The following MAP4 variants were observed in gnomAD, a reference collection of about 807,000 sequenced individuals.
MAP4 encodes microtubule-associated protein 4.
In MAP4, 76 loss-of-function variants were observed where a neutral mutation model predicts 170.2. The ratio of observed to expected loss-of-function variants is 0.45; its 90% CI spans 0.37 to 0.54. The LOEUF is 0.54. Among genes scored for constraint, MAP4 ranks in the 20% least tolerant of loss-of-function variants. The pLI is 0.00. For synonymous variants in MAP4, 909 were observed against 994.5 expected (o/e 0.91, Z 1.62); for missense variants, 2,506 against 2,748.0 (o/e 0.91, Z 1.97).
intron 3 of MAP4, among the ~76,000 whole-genome samples, chr3:47,933,610 T>C (rs1434691509): frequency 6.7e-6 from 1 of 150,332 alleles, no homozygotes; most frequent in Non-Finnish European, 1.5e-5. Context: ...GCTTTTTTTT[T>C]TTTTTTTTGA....
intron 1 of MAP4, among the ~76,000 whole-genome samples, chr3:48,035,497 G>A (rs2100118377): frequency 6.6e-6 from 1 of 152,004 alleles, no homozygotes; most frequent in Non-Finnish European, 1.5e-5. Context: ...AGCCAGGCAT[G>A]GTGGTATGTG....
chr3:47,961,026 TTATCATTAAGGACAA>T (rs2100071264), intron 3 of MAP4: 3 of 155,476 alleles, frequency 1.9e-5, no homozygotes, highest in Admixed American at 1.3e-4. Flanking sequence ...CTTTGTTTCC[TTATCATTAAGGACAA>T]TATCAATCTC....
At position 48,045,656 on chromosome 3, in the gene MAP4, T is replaced by G. The variant is rs952755666; in HGVS notation, c.-20+43117A>C. On this transcript the variant is annotated intron_variant, in intron 1 of 18. Coordinates refer to the MAP4 transcript ENST00000360240. ...AACATAGAAATATTGAAAATTATAATGTTTAAGTTCTTTGAAAAAATTTAT... is the reference window on the plus strand; with the variant it reads ...AACATAGAAATATTGAAAATTATAAGGTTTAAGTTCTTTGAAAAAATTTAT... Among the ~76,000 whole-genome samples, 4 of 152,202 alleles carry G rather than the reference T, an allele frequency of 2.6e-5. No homozygotes were observed. The South Asian group carries it at 8.3e-4, about 32-fold the overall frequency.
intron 3 of MAP4, among the ~76,000 whole-genome samples, chr3:47,939,018 G>C (rs1198954065): frequency 1.3e-5 from 2 of 152,220 alleles, no homozygotes; most frequent in African/African-American, 4.8e-5. Flanking sequence ...AAGTCATGCA[G>C]TAAGTATGCT....
At chr3:47,973,259 A>T in intron 3 of MAP4, 1 of 980,892 alleles carries the variant, frequency 1.0e-6, no homozygotes, top group Non-Finnish European at 1.2e-6. Flanking sequence ...TTGGGCCAAA[A>T]AAGGAAAAAA....
intron 10 of MAP4, among the ~76,000 whole-genome samples, chr3:47,898,500 CAA>C (rs879856052): frequency 3.1e-4 from 25 of 81,102 alleles, no homozygotes; most frequent in Admixed American, 4.1e-4. Flanking sequence ...GACTCCGCCT[CAA>C]AAAAAAAAAA....
chr3:47,887,216 G>A (rs902495246), intron 10 of MAP4, among the ~76,000 whole-genome samples: 1 of 152,232 alleles, frequency 6.6e-6, no homozygotes, highest in African/African-American at 2.4e-5. Flanking sequence ...GGAGAGGCGC[G>A]AGCAGGAACC....
At chr3:47,853,108 T>A in intron 20 of MAP4, 55 bp downstream of exon 20, 1 of 1,613,486 alleles carries the variant, frequency 6.2e-7, no homozygotes, top group South Asian at 1.1e-5. Context: ...GAGTTTCAAT[T>A]TGCGGCCAGT....
chr3:47,977,952 AT>A lies in MAP4; in HGVS notation c.224-20del. On this transcript the variant is annotated intron_variant, in intron 2 of 20. Coordinates refer to ENST00000683076, the MANE Select transcript of MAP4 (RefSeq NM_001385682.1). ...GGAGTATCTGCAACAATGACAAATA[AT>A]TACCCATTGTGACAGACAGAAAAAT... is the stretch of plus-strand genomic sequence containing the variant. 2 of 1,556,652 alleles carry A rather than the reference AT, an allele frequency of 1.3e-6. No homozygotes were observed. The highest frequency in any genetic ancestry group is 1.8e-6 in the Non-Finnish European group (2 of 1,128,156).
chr3:48,023,122 G>C (rs544757034), intron 1 of MAP4, among the ~76,000 whole-genome samples: 2 of 152,040 alleles, frequency 1.3e-5, no homozygotes, highest in Non-Finnish European at 2.9e-5. Flanking sequence ...AATTTAAAAA[G>C]ACCAATGACT....
intron 1 of MAP4, among the ~76,000 whole-genome samples, chr3:48,062,494 T>TAA (rs1156947592): frequency 0.03 from 2,446 of 81,514 alleles, 196 homozygotes; most frequent in Admixed American, 0.1. Flanking sequence ...GAATGATCAA[T>TAA]AAAAAAAAAA....
intron 17 of MAP4, among the ~76,000 whole-genome samples, chr3:47,858,621 TGTGTG>T (rs1388903348): frequency 2.0e-5 from 1 of 49,248 alleles, no homozygotes; most frequent in Non-Finnish European, 3.9e-5. Flanking sequence ...GTGTGCGCGT[TGTGTG>T]TGTGTGTGTG....
chr3:47,872,985 C>T (rs1188948740), intron 12 of MAP4, among the ~76,000 whole-genome samples: 1 of 152,172 alleles, frequency 6.6e-6, no homozygotes, highest in African/African-American at 2.4e-5. Context: ...GGGACAGAAG[C>T]GTGAGCTGTA....
chr3:48,056,212 T>TGGG (rs1161285484), intron 1 of MAP4, among the ~76,000 whole-genome samples: 2 of 72,834 alleles, frequency 2.7e-5, no homozygotes, highest in African/African-American at 4.7e-5. Context: ...GGGAGGGAGG[T>TGGG]GGGGGGGTCA....
chr3:47,935,205 G>A (rs1471514962), intron 3 of MAP4, among the ~76,000 whole-genome samples: 5 of 152,276 alleles, frequency 3.3e-5, no homozygotes, highest in Admixed American at 1.3e-4. Flanking sequence ...TAACACAGTC[G>A]TGGGATGATC....
chr3:48,023,507 T>C (rs971278480), intron 1 of MAP4, among the ~76,000 whole-genome samples: 1 of 152,250 alleles, frequency 6.6e-6, no homozygotes, highest in Non-Finnish European at 1.5e-5. Flanking sequence ...TCTCTGAGTT[T>C]ACTCTTAAGT....
intron 17 of MAP4, among the ~76,000 whole-genome samples, chr3:47,863,937 T>TGGGGGGGG (rs1553728778): frequency 7.2e-6 from 1 of 138,474 alleles, no homozygotes; most frequent in African/African-American, 2.7e-5. Context: ...TGTGTGTGTG[T>TGGGGGGGG]GGGGAGTGGT....
In MAP4 at chr3:47,857,368, C is replaced by A; in HGVS notation, c.6583+63G>T. 8 of 1,387,998 alleles carry A rather than the reference C, an allele frequency of 5.8e-6. No individual in the cohort carries two copies. The South Asian group carries it at 9.3e-5, about 16-fold the overall frequency. 86.0% of individuals were successfully genotyped at this position (1,387,998 alleles called of 1,614,324 possible). A position where few individuals can be genotyped will look rare whatever the true frequency, so the allele number is the denominator to read the frequency against. On this transcript the variant is annotated intron_variant, in intron 18 of 20. Coordinates refer to ENST00000683076, the MANE Select transcript of MAP4 (RefSeq NM_001385682.1). ...AACCCTTGCCAGCCAGCTGGCTGCC[C>A]AGCTGACCCATGGCAGGACGACATA... is the stretch of plus-strand genomic sequence containing the variant.
chr3:47,854,794 G>A (rs1201265908), intron 19 of MAP4, among the ~76,000 whole-genome samples: 1 of 152,154 alleles, frequency 6.6e-6, no homozygotes, highest in Non-Finnish European at 1.5e-5. Context: ...GGAGGCCCCA[G>A]GCAGCCTGCT....
Sources: gnomAD v4.1 joint callset for allele counts (sites outside exome capture counted in the v4.1 genomes callset) on GRCh38, gnomAD v4.1.1 for gene constraint, MANE v1.5 for transcripts, NCBI Gene and HGNC (gene_info 2026-07-23, HGNC 2026-07-21) for gene names.